Variants in EZH2 observed in about 807,000 individuals in gnomAD.
The protein encoded by EZH2 is enhancer of zeste 2 polycomb repressive complex 2 subunit.
Under a neutral mutation model 98.4 loss-of-function variants are expected in EZH2, and 18 were observed. The observed-to-expected ratio is 0.18, with a 90% CI of 0.13 to 0.27. EZH2 has a LOEUF of 0.27. EZH2 is among the 10% of genes least tolerant of loss of function. EZH2 has a pLI of 1.00. For synonymous variants in EZH2, 338 were observed against 312.3 expected (o/e 1.08, Z -0.87); for missense variants, 470 against 935.1 (o/e 0.50, Z 6.49).
intron 8 of EZH2, among the ~76,000 whole-genome samples, chr7:148,820,582 T>A (rs1805762005): frequency 6.6e-6 from 1 of 151,898 alleles, no homozygotes; most frequent in African/African-American, 2.4e-5. Context: ...AGTTGTGTTT[T>A]TAAAGAAGAA....
intron 3 of EZH2, among the ~76,000 whole-genome samples, chr7:148,838,336 G>A (rs997064247): frequency 4.6e-5 from 7 of 151,976 alleles, no homozygotes; most frequent in South Asian, 2.1e-4. Flanking sequence ...TTCAGAAGCC[G>A]GGCCCTGAAT....
intron 13 of EZH2, 56 bp from the exon 14 acceptor site, chr7:148,815,095 T>A: frequency 6.3e-7 from 1 of 1,591,986 alleles, no homozygotes; most frequent in Non-Finnish European, 8.6e-7. Flanking sequence ...GAAACGATCA[T>A]ACACAATTAA....
At chr7:148,861,466 AT>A (rs1175780110) in intron 1 of EZH2, among the ~76,000 whole-genome samples, 2 of 152,020 alleles carry the variant, frequency 1.3e-5, no homozygotes, top group African/African-American at 4.8e-5. Flanking sequence ...ACCTCAGGTG[AT>A]CCACCCGGAT....
chr7:148,807,429 T>C lies in EZH2; in HGVS notation c.*217A>G, dbSNP rs1801763597. 5.3e-6 allele frequency: 3 copies of C among 563,466 alleles called. No homozygotes were observed. The highest frequency in any genetic ancestry group is 9.5e-6 in the Non-Finnish European group (3 of 315,942). 34.9% of individuals were successfully genotyped at this position (563,466 alleles called of 1,614,324 possible). On this transcript the variant is annotated 3_prime_UTR_variant, in exon 20 of 20. Transcript: ENST00000320356. ...TTCAAAGTTGAAAAATGTACCATAC[T>C]GCATTATTGCAAAAATTCACTGGTA...
chr7:148,812,361 G>A (rs979769804), intron 15 of EZH2, among the ~76,000 whole-genome samples: 7 of 152,164 alleles, frequency 4.6e-5, no homozygotes, highest in Admixed American at 1.3e-4. Flanking sequence ...TATAAATTAT[G>A]TATTTAGGGA....
intron 10 of EZH2, 155 bp from the exon 11 acceptor site, chr7:148,817,546 A>C: frequency 2.7e-6 from 2 of 730,656 alleles, no homozygotes; most frequent in Non-Finnish European, 4.4e-6. Flanking sequence ...TTTTCCAACA[A>C]AACTACTCAC....
intron 1 of EZH2, among the ~76,000 whole-genome samples, chr7:148,848,316 C>CA (rs1814741026): frequency 6.6e-6 from 1 of 152,150 alleles, no homozygotes. Context: ...CAAGGGGTGA[C>CA]AGAGGCTTCT....
chr7:148,831,636 T>TCATG (rs1382833373), intron 4 of EZH2, among the ~76,000 whole-genome samples: 1 of 152,184 alleles, frequency 6.6e-6, no homozygotes, highest in African/African-American at 2.4e-5. Flanking sequence ...TCCCTCAAGG[T>TCATG]CATGCAATGT....
chr7:148,867,657 C>T (rs1340947219), intron 1 of EZH2, among the ~76,000 whole-genome samples: 7 of 152,168 alleles, frequency 4.6e-5, no homozygotes, highest in Admixed American at 4.6e-4. Flanking sequence ...CTGCAGCCAG[C>T]TTGAATTTCT....
At chr7:148,818,872 C>T in intron 9 of EZH2, 1 of 350,236 alleles carries the variant, frequency 2.9e-6, no homozygotes, top group Admixed American at 3.8e-5. Flanking sequence ...AAAACAAGTG[C>T]TCAAGAATTC....
rs544574180 is a variant in EZH2 at position 148,866,551 on chromosome 7, T to C, written c.-8+17613A>G. ...ACATATATATACGTATATACATATATATACATATATACATATATATACGTA... is the reference window on the plus strand; with the variant it reads ...ACATATATATACGTATATACATATACATACATATATACATATATATACGTA... On this transcript the variant is annotated intron_variant, in intron 1 of 19. Transcript: ENST00000320356. 3.2e-3 allele frequency among the ~76,000 whole-genome samples: 319 copies of C among 100,250 alleles called. 2 individuals carry two copies. Among genetic ancestry groups the C allele is most frequent in the African/African-American group, 0.013 (303 of 24,136 alleles). The allele number at this position is 100,250 out of a possible 152,430, so 65.8% of individuals were successfully genotyped here. A position where few individuals can be genotyped will look rare whatever the true frequency, so the allele number is the denominator to read the frequency against.
chr7:148,842,398 A>G (rs1369756691), intron 3 of EZH2, among the ~76,000 whole-genome samples: 7 of 152,238 alleles, frequency 4.6e-5, no homozygotes. Context: ...TAAAAATGGA[A>G]AAAGAGACAC....
chr7:148,846,872 G>A (rs983032235), intron 2 of EZH2, among the ~76,000 whole-genome samples: 10 of 134,102 alleles, frequency 7.5e-5, no homozygotes, highest in African/African-American at 2.6e-4. Context: ...GTGTGTGTGT[G>A]TGTGTGTGTG....
intron 3 of EZH2, among the ~76,000 whole-genome samples, chr7:148,839,825 G>A (rs1585104298): frequency 1.3e-5 from 2 of 152,248 alleles, no homozygotes; most frequent in African/African-American, 2.4e-5. Context: ...GGGATTACAG[G>A]CGTGAGCCAC....
Position 148,807,468 on chromosome 7 carries a change from A to C in EZH2, c.*178T>G. ...AATTCACTGGTACAAAACACTTTGC[A>C]GCTGGTGAGAAGGCAATAAAAAGTT... On this transcript the variant is annotated 3_prime_UTR_variant, in exon 20 of 20. Transcript: ENST00000320356. 1 of 600,842 alleles carries C rather than the reference A, an allele frequency of 1.7e-6. No individual in the cohort carries two copies. Among genetic ancestry groups the C allele is most frequent in the Non-Finnish European group, 3.0e-6 (1 of 335,984 alleles). The allele number at this position is 600,842 out of a possible 1,614,324, so 37.2% of individuals were successfully genotyped here.
chr7:148,843,817 G>A (rs958700535), intron 3 of EZH2, among the ~76,000 whole-genome samples: 5 of 151,670 alleles, frequency 3.3e-5, no homozygotes, highest in African/African-American at 4.8e-5. Flanking sequence ...GGATGGTCTC[G>A]ATCTCCTGAC....
At chr7:148,836,051 C>T (rs979924731) in intron 3 of EZH2, among the ~76,000 whole-genome samples, 1 of 152,150 alleles carries the variant, frequency 6.6e-6, no homozygotes, top group East Asian at 1.9e-4. Context: ...CTGAGTCATG[C>T]GAGAGTCACT....
intron 8 of EZH2, among the ~76,000 whole-genome samples, chr7:148,823,652 CTTT>C (rs548755331): frequency 7.1e-6 from 1 of 141,658 alleles, no homozygotes. Context: ...CATTTTCATA[CTTT>C]TTTTTTTTTT....
intron 3 of EZH2, among the ~76,000 whole-genome samples, chr7:148,839,174 G>T (rs984957333): frequency 6.6e-6 from 1 of 152,224 alleles, no homozygotes; most frequent in African/African-American, 2.4e-5. Context: ...TGCTCGAGTG[G>T]TAGAACTGCC....
Sources: gnomAD v4.1 joint callset for allele counts (sites outside exome capture counted in the v4.1 genomes callset) on GRCh38, gnomAD v4.1.1 for gene constraint, MANE v1.5 for transcripts, NCBI Gene and HGNC (gene_info 2026-07-23, HGNC 2026-07-21) for gene names.